CIITA: variants seen among roughly 807,000 people sequenced by gnomAD.
CIITA encodes the protein class II major histocompatibility complex transactivator.
In CIITA, 72 loss-of-function variants were observed where a neutral mutation model predicts 115.1. The observed-to-expected ratio is 0.63, with a 90% CI of 0.52 to 0.76. The LOEUF (loss-of-function observed/expected upper bound fraction) is 0.76, where lower values mean the gene tolerates loss of function less well. Among genes scored for constraint, CIITA ranks in the 30% least tolerant of loss-of-function variants. The pLI is 0.00. For missense variants in CIITA, 1,617 were observed against 1,463.8 expected, an observed-to-expected ratio of 1.10 and a Z score of -1.71; for synonymous variants, 763 against 635.6, an observed-to-expected ratio of 1.20 and a Z score of -3.02.
chr16:10,895,882 C>A, intron 3 of CIITA, 118 bp downstream of exon 3: 1 of 996,902 alleles, frequency 1.0e-6, no homozygotes, highest in Non-Finnish European at 1.6e-6. Context: ...GAAATCATTG[C>A]AAGGGGGATG....
Position 10,918,511 on chromosome 16 carries a change from C to G in CIITA, c.3134C>G (p.Ser1045Cys). The change falls in exon 16 of 20, where the codon TCC becomes TGC. Residue 1045 changes from serine (S) to cysteine (C), a missense_variant. Transcript: ENST00000324288. ...GAGGCCCTGCCTTCGCTCGCTGCATCCCTGCTCAGGCTAAGGTGAGTGGGG... is the reference window on the plus strand; with the variant it reads ...GAGGCCCTGCCTTCGCTCGCTGCATGCCTGCTCAGGCTAAGGTGAGTGGGG... The part of the protein sequence containing the change: ...LAEALPSLAA[S>C]LLRLSLYNNC... The G allele has an allele frequency of 6.2e-7, 1 of 1,614,112 alleles. No individual in the cohort carries two copies. The highest frequency in any genetic ancestry group is 1.3e-5 in the African/African-American group (1 of 75,056).
chr16:10,907,267 A>G lies in CIITA; in HGVS notation c.1775A>G (p.Asp592Gly). Residue 592 changes from aspartate (D) to glycine (G), a missense_variant, in exon 11 of 20, where the codon GAC becomes GGC. Asp to Gly is a moderately conservative substitution (Grantham distance 94, BLOSUM62 -1). Coordinates refer to ENST00000324288, the MANE Select transcript of CIITA (RefSeq NM_000246.4). This position sits in a 1 kb window ranked among gnomAD's most constrained non-coding sequence, Gnocchi z 5.0. ...AGCTCAGGGATGACAGAGCACCAAG[A>G]CAGAGCCCTGACGCTCCTCCGGGAC... ...FESSGMTEHQ[D>G]RALTLLRDRP... 4.3e-6 allele frequency: 7 copies of G among 1,613,190 alleles called. No individual in the cohort carries two copies. The highest frequency in any genetic ancestry group is 2.2e-5 in the East Asian group (1 of 44,868).
intron 1 of CIITA, among the ~76,000 whole-genome samples, chr16:10,878,691 C>A (rs1364627293): frequency 1.3e-5 from 2 of 152,246 alleles, no homozygotes; most frequent in Admixed American, 1.3e-4. Flanking sequence ...ACTTGCAGAT[C>A]ACTTGCCCAA....
At chr16:10,914,736 AT>A (rs1454248565) in intron 13 of CIITA, among the ~76,000 whole-genome samples, 2 of 152,206 alleles carry the variant, frequency 1.3e-5, no homozygotes, top group African/African-American at 4.8e-5. Context: ...TAAAATGGAG[AT>A]AAGAGCCCAT....
intron 9 of CIITA, 140 bp from the exon 10 acceptor site, chr16:10,904,604 C>T: frequency 1.2e-6 from 1 of 808,810 alleles, no homozygotes; most frequent in East Asian, 2.5e-5. Flanking sequence ...GAGTTAGATA[C>T]AGCCTCAGGC....
chr16:10,888,108 T>C (rs1003750805), intron 1 of CIITA, among the ~76,000 whole-genome samples: 9 of 152,174 alleles, frequency 5.9e-5, no homozygotes, highest in Admixed American at 3.3e-4. Context: ...ACATTAATAA[T>C]AAAAATGGTC....
In CIITA at chr16:10,929,549, G is replaced by C. The variant is rs60453756; in HGVS notation, c.*5694G>C. ...CTCTCTGTTGGCACGAAGCTTTTGA[G>C]GGGAGCAGGTCTAACAAGAAGGAAA... On this transcript the variant is annotated 3_prime_UTR_variant, in exon 20 of 20. Coordinates refer to ENST00000324288, the MANE Select transcript of CIITA (RefSeq NM_000246.4). This position sits in a 1 kb window ranked among gnomAD's most constrained non-coding sequence, Gnocchi z 4.3. 1.0e-6 allele frequency: 1 copy of C among 985,352 alleles called. No individual in the cohort carries two copies. Among genetic ancestry groups the C allele is most frequent in the African/African-American group, 1.7e-5 (1 of 57,214 alleles). 61.0% of individuals were successfully genotyped at this position (985,352 alleles called of 1,614,324 possible). A position where few individuals can be genotyped will look rare whatever the true frequency, so the allele number is the denominator to read the frequency against.
At position 10,879,249 on chromosome 16, in the gene CIITA, G is replaced by A. The variant is rs2036160588; in HGVS notation, c.52+1867G>A. On this transcript the variant is annotated intron_variant, in intron 1 of 19. Coordinates refer to ENST00000324288, the MANE Select transcript of CIITA (RefSeq NM_000246.4). The surrounding 1 kb of genome is among the most constrained non-coding windows in gnomAD (Gnocchi z 4.3). ...ACCAGGAGCCGGGAACCCGGAGCTT[G>A]GCTTGCTGTGCCCAGAGCTCCGGGG... 1.3e-5 allele frequency among the ~76,000 whole-genome samples: 2 copies of A among 152,184 alleles called. No homozygotes were observed. The highest frequency in any genetic ancestry group is 4.8e-5 in the African/African-American group (2 of 41,446).
chr16:10,918,506 T>C lies in CIITA; in HGVS notation c.3129T>C (p.Ala1043=). ...YKLAEALPSL[A]ASLLRLSLYN... ...TCGCCGAGGCCCTGCCTTCGCTCGCTGCATCCCTGCTCAGGCTAAGGTGAG... is the reference window on the plus strand; with the variant it reads ...TCGCCGAGGCCCTGCCTTCGCTCGCCGCATCCCTGCTCAGGCTAAGGTGAG... The change falls in exon 16 of 20, where the codon GCT becomes GCC. Residue 1043 remains alanine (A), a synonymous_variant. Coordinates refer to ENST00000324288, the MANE Select transcript of CIITA (RefSeq NM_000246.4). 6.2e-7 allele frequency: 1 copy of C among 1,614,148 alleles called. No individual in the cohort carries two copies. Among genetic ancestry groups the C allele is most frequent in the South Asian group, 1.1e-5 (1 of 91,084 alleles).
chr16:10,898,543 A>G, intron 3 of CIITA, 127 bp from the exon 4 acceptor site: 1 of 610,258 alleles, frequency 1.6e-6, no homozygotes, highest in African/African-American at 1.9e-5. Flanking sequence ...TCATTCATTC[A>G]TTCAACAAAC....
rs2040384371 is a variant in CIITA at position 10,923,460 on chromosome 16, G to C, written c.*22+135G>C. ...ACCCTTGGACGCATGCGTCATCAGA[G>C]ACATCCCCTCATCTCCACCCTGGGC... On this transcript the variant is annotated intron_variant, in intron 19 of 19. Transcript: ENST00000324288. This position sits in a 1 kb window ranked among gnomAD's most constrained non-coding sequence, Gnocchi z 5.2. The C allele has an allele frequency of 1.4e-6, 1 of 699,782 alleles. No individual in the cohort carries two copies. Among genetic ancestry groups the C allele is most frequent in the African/African-American group, 1.7e-5 (1 of 57,372 alleles). 43.3% of individuals were successfully genotyped at this position (699,782 alleles called of 1,614,324 possible).
At chr16:10,908,587 T>G in intron 11 of CIITA, 2 of 416,202 alleles carry the variant, frequency 4.8e-6, no homozygotes, top group East Asian at 1.1e-4. Context: ...AGAACTTGAA[T>G]CTGATTGTAT....
downstream of CIITA, chr16:10,938,288 ACCAT>A (rs2145430915): frequency 6.6e-6 from 1 of 152,094 alleles, no homozygotes; most frequent in East Asian, 1.9e-4. This position sits in a 1 kb window ranked among gnomAD's most constrained non-coding sequence, Gnocchi z 4.9. Context: ...CTGGCTCTTA[ACCAT>A]GACCCTAATA....
chr16:10,941,805 G>A lies in CIITA; in HGVS notation n.931G>A, dbSNP rs1356603963. On this transcript the variant is annotated non_coding_transcript_exon_variant, in exon 2 of 2. Transcript: ENST00000573379. The surrounding 1 kb of genome is among the most constrained non-coding windows in gnomAD (Gnocchi z 6.4). ...GGTCGGAGAGCACGCCGAGGTCCAC[G>A]AGCGCCTGGTCCATGTCCTCGGGCA... 2.5e-6 allele frequency: 4 copies of A among 1,613,616 alleles called. No individual in the cohort carries two copies. The highest frequency in any genetic ancestry group is 2.5e-6 in the Non-Finnish European group (3 of 1,179,856).
chr16:10,894,338 C>T (rs919842260), intron 1 of CIITA, among the ~76,000 whole-genome samples: 5 of 152,178 alleles, frequency 3.3e-5, no homozygotes, highest in South Asian at 4.1e-4. Context: ...AGATAAGCAA[C>T]ATTTTGTTTA....
At position 10,933,841 on chromosome 16, in the gene CIITA, C is replaced by G. The variant is rs1567464420; in HGVS notation, c.*9986C>G. ...AAGACAGACGTCACCCTCCCCTACT[C>G]ACGCAGCCATTCTGATCCTCCACGC... On this transcript the variant is annotated 3_prime_UTR_variant, in exon 20 of 20. Coordinates refer to ENST00000324288, the MANE Select transcript of CIITA (RefSeq NM_000246.4). 1.3e-5 allele frequency: 2 copies of G among 152,384 alleles called. No homozygotes were observed. Among genetic ancestry groups the G allele is most frequent in the East Asian group, 3.9e-4 (2 of 5,186 alleles). The allele number at this position is 152,384 out of a possible 1,614,324, so 9.4% of individuals were successfully genotyped here. A position where few individuals can be genotyped will look rare whatever the true frequency, so the allele number is the denominator to read the frequency against.
chr16:10,925,563 G>A lies in CIITA; in HGVS notation c.*1708G>A, dbSNP rs1387067822. The A allele has an allele frequency of 1.3e-5, 2 of 152,404 alleles. No individual in the cohort carries two copies. The highest frequency in any genetic ancestry group is 4.8e-5 in the African/African-American group (2 of 41,462). The allele number at this position is 152,404 out of a possible 1,614,324, so 9.4% of individuals were successfully genotyped here. The stretch of plus-strand genomic sequence containing the variant: ...GGCCTCAAGTGATTCTCCTGCCTCA[G>A]CCTCCCAAAGTGCTGGGATTACAGG... On this transcript the variant is annotated 3_prime_UTR_variant, in exon 20 of 20. Transcript: ENST00000324288.
Position 10,907,262 on chromosome 16 carries a change from C to G in CIITA, c.1770C>G (p.His590Gln). Residue 590 changes from histidine (H) to glutamine (Q), a missense_variant, in exon 11 of 20, where the codon CAC becomes CAG. By Grantham distance (24) the His-to-Gln change is conservative (BLOSUM62 0). Coordinates refer to ENST00000324288, the MANE Select transcript of CIITA (RefSeq NM_000246.4). The surrounding 1 kb of genome is among the most constrained non-coding windows in gnomAD (Gnocchi z 5.0). ...TTGAGAGCTCAGGGATGACAGAGCA[C>G]CAAGACAGAGCCCTGACGCTCCTCC... ...RYFESSGMTE[H>Q]QDRALTLLRD... 1 of 1,613,502 alleles carries G rather than the reference C, an allele frequency of 6.2e-7. No homozygotes were observed. The highest frequency in any genetic ancestry group is 8.5e-7 in the Non-Finnish European group (1 of 1,179,996).
intron 11 of CIITA, 200 bp from the exon 12 acceptor site, chr16:10,908,829 G>T: frequency 1.4e-6 from 1 of 729,236 alleles, no homozygotes; most frequent in Non-Finnish European, 2.3e-6. Flanking sequence ...AGCAAAAAGG[G>T]AAAGAAAACC....
Sources: gnomAD v4.1 joint callset for allele counts (sites outside exome capture counted in the v4.1 genomes callset) on GRCh38, gnomAD v4.1.1 for gene constraint, Gnocchi (gnomAD v3.1) non-coding constraint, MANE v1.5 for transcripts, NCBI Gene and HGNC (gene_info 2026-07-23, HGNC 2026-07-21) for gene names.